The following HDAC9 variants were observed in gnomAD, a reference collection of about 807,000 sequenced individuals.
HDAC9 encodes MEF-2 interacting transcription repressor (MITR) protein.
HDAC9 carries 41 observed loss-of-function variants against 139.4 expected under a neutral mutation model. The observed-to-expected ratio is 0.29, with a 90% confidence interval of 0.23 to 0.38. The LOEUF (loss-of-function observed/expected upper bound fraction) is 0.38. Ranked by LOEUF, HDAC9 falls within the 10% of genes least tolerant of loss-of-function variation. The pLI, the probability that HDAC9 is intolerant of heterozygous loss-of-function variation, is 1.00. For synonymous variants in HDAC9, 517 were observed against 476.2 expected (o/e 1.09, Z -1.12); for missense variants, 1,147 against 1,297.0 (o/e 0.88, Z 1.78).
intron 2 of HDAC9, among the ~76,000 whole-genome samples, chr7:18,198,610 C>G (rs1234381934): frequency 6.6e-6 from 1 of 152,082 alleles, no homozygotes; most frequent in Non-Finnish European, 1.5e-5. Flanking sequence ...GCACATTATT[C>G]TAGGTTATAT....
rs1309022514 is a variant in HDAC9 at position 18,249,517 on chromosome 7, AAAAAAAC to A, written c.25+87175_25+87181del. Among the ~76,000 whole-genome samples, 430 of 147,670 alleles carry A rather than the reference AAAAAAAC, an allele frequency of 2.9e-3. 39 individuals carry two copies. Among genetic ancestry groups the A allele is most frequent in the Middle Eastern group, 7.0e-3 (2 of 286 alleles). On this transcript the variant is annotated intron_variant, in intron 2 of 12. Transcript: ENST00000417496. The stretch of plus-strand genomic sequence containing the variant: ...GACTCTGTCTCAAAAAAAAAAAAAA[AAAAAAAC>A]AAAAAAAAAACTTTCTGAACAGATC...
intron 1 of HDAC9, among the ~76,000 whole-genome samples, chr7:18,322,650 G>A (rs758703424): frequency 7.2e-5 from 11 of 152,136 alleles, no homozygotes; most frequent in African/African-American, 9.7e-5. Context: ...GCTGATTGCC[G>A]ATTGGCAGGG....
intron 17 of HDAC9, among the ~76,000 whole-genome samples, chr7:18,823,610 G>T (rs1263998457): frequency 6.6e-6 from 1 of 152,126 alleles, no homozygotes; most frequent in Admixed American, 6.6e-5. Context: ...CTGTATTTCA[G>T]TACAGGCCTA....
intron 1 of HDAC9, among the ~76,000 whole-genome samples, chr7:18,106,517 A>C (rs777233872): frequency 6.6e-6 from 1 of 151,674 alleles, no homozygotes; most frequent in Non-Finnish European, 1.5e-5. Flanking sequence ...CAGTGGTGCG[A>C]TCTTAGCTCA....
At chr7:18,674,046 C>G (rs1046747080) in intron 12 of HDAC9, among the ~76,000 whole-genome samples, 1 of 151,928 alleles carries the variant, frequency 6.6e-6, no homozygotes, top group African/African-American at 2.4e-5. Flanking sequence ...GTTGATGAGA[C>G]CACCATTTAG....
In HDAC9 at chr7:18,999,917, T is replaced by C. The variant is rs1786670872; in HGVS notation, c.*3855T>C. On this transcript the variant is annotated 3_prime_UTR_variant, in exon 26 of 26. Coordinates refer to ENST00000686413, the MANE Select transcript of HDAC9 (RefSeq NM_178425.4). The stretch of plus-strand genomic sequence containing the variant: ...TCTTAAAAGTGATTCATTCTGAGCT[T>C]GAAACGACTCTGTCAGTGTTTGACA... 6.6e-6 allele frequency: 1 copy of C among 152,142 alleles called. No individual in the cohort carries two copies. The highest frequency in any genetic ancestry group is 6.5e-5 in the Admixed American group (1 of 15,280). The allele number at this position is 152,142 out of a possible 1,614,324, so 9.4% of individuals were successfully genotyped here. A position where few individuals can be genotyped will look rare whatever the true frequency, so the allele number is the denominator to read the frequency against.
At chr7:18,192,200 T>C (rs1790398401) in intron 2 of HDAC9, among the ~76,000 whole-genome samples, 1 of 151,718 alleles carries the variant, frequency 6.6e-6, no homozygotes, top group African/African-American at 2.4e-5. Context: ...AGAAAGTTAA[T>C]TTTTTTTTAT....
At position 18,184,340 on chromosome 7, in the gene HDAC9, C is replaced by T. The variant is rs80325969; in HGVS notation, c.25+21991C>T. Among the ~76,000 whole-genome samples, 1,045 of 152,188 alleles carry T rather than the reference C, an allele frequency of 6.9e-3. 5 individuals are homozygous for T. Among genetic ancestry groups the T allele is most frequent in the Non-Finnish European group, 0.01 (713 of 68,010 alleles). ...GCTTGAACCCAGGAGGGTGAGGTTG[C>T]GGTGAGCCAAGATCTCTCCATAGCA... On this transcript the variant is annotated intron_variant, in intron 2 of 12. Coordinates refer to the HDAC9 transcript ENST00000417496.
intron 2 of HDAC9, among the ~76,000 whole-genome samples, chr7:18,265,847 C>T (rs994998582): frequency 1.3e-5 from 2 of 152,036 alleles, no homozygotes; most frequent in Non-Finnish European, 2.9e-5. Context: ...GAAAATTTGG[C>T]CTTCCACAGA....
In HDAC9 at chr7:19,000,744, T is replaced by C. The variant is rs1157216497; in HGVS notation, c.*4682T>C. ...AAACATTTAGCAAATACATGGTGAA[T>C]CTGGTGTAAACTTACAATCTAACAA... is the stretch of plus-strand genomic sequence containing the variant. On this transcript the variant is annotated 3_prime_UTR_variant, in exon 26 of 26. Transcript: ENST00000686413. The C allele has an allele frequency of 6.6e-6, 1 of 152,160 alleles. No homozygotes were observed. 9.4% of individuals were successfully genotyped at this position (152,160 alleles called of 1,614,324 possible).
At chr7:18,451,429 A>ATGTGTGTGTGTGTGTGTATATATATATG (rs1792847722) in intron 1 of HDAC9, among the ~76,000 whole-genome samples, 1 of 137,654 alleles carries the variant, frequency 7.3e-6, no homozygotes, top group African/African-American at 2.7e-5. Context: ...GTGTATATAT[A>ATGTGTGTGTGTGTGTGTATATATATATG]TGTGTGTGTG....
chr7:18,869,737 G>C (rs957634182), intron 21 of HDAC9, among the ~76,000 whole-genome samples: 2 of 152,132 alleles, frequency 1.3e-5, no homozygotes, highest in Non-Finnish European at 2.9e-5. Context: ...CTGTATTGAA[G>C]ATTATTGTGG....
chr7:18,272,915 T>C (rs1374590606), intron 2 of HDAC9, among the ~76,000 whole-genome samples: 1 of 3,410 alleles, frequency 2.9e-4, no homozygotes, highest in African/African-American at 8.9e-4. Context: ...AGACTACTGC[T>C]ACTACTACTA....
intron 22 of HDAC9, among the ~76,000 whole-genome samples, chr7:18,893,778 G>A (rs574229378): frequency 3.3e-4 from 51 of 152,262 alleles, no homozygotes; most frequent in African/African-American, 9.9e-4. Context: ...GACAAGGGAG[G>A]TTTGTGATTT....
At chr7:18,796,181 T>G (rs903837532) in intron 17 of HDAC9, among the ~76,000 whole-genome samples, 4 of 152,122 alleles carry the variant, frequency 2.6e-5, no homozygotes, top group Non-Finnish European at 5.9e-5. Flanking sequence ...CTGGATATAG[T>G]GTGGAAATAA....
chr7:18,230,824 A>G (rs1455223724), intron 2 of HDAC9, among the ~76,000 whole-genome samples: 11 of 152,234 alleles, frequency 7.2e-5, no homozygotes. Flanking sequence ...TAATAGCTCT[A>G]TTAATGAGAT....
At chr7:18,128,416 G>A (rs898573207) in intron 1 of HDAC9, among the ~76,000 whole-genome samples, 1 of 151,976 alleles carries the variant, frequency 6.6e-6, no homozygotes, top group African/African-American at 2.4e-5. Flanking sequence ...TCTTGGCTTT[G>A]TTGTCTGTAA....
intron 21 of HDAC9, among the ~76,000 whole-genome samples, chr7:18,858,705 A>G (rs1174651543): frequency 1.3e-5 from 2 of 152,186 alleles, no homozygotes; most frequent in Non-Finnish European, 2.9e-5. Context: ...TTTATCTTAA[A>G]TAATAAAACT....
intron 22 of HDAC9, among the ~76,000 whole-genome samples, chr7:18,875,897 A>G (rs938959720): frequency 6.6e-6 from 1 of 152,162 alleles, no homozygotes; most frequent in African/African-American, 2.4e-5. Context: ...GATAAACCCA[A>G]AAAAATACAA....
Sources: gnomAD v4.1 joint callset for allele counts (sites outside exome capture counted in the v4.1 genomes callset) on GRCh38, gnomAD v4.1.1 for gene constraint, MANE v1.5 for transcripts, NCBI Gene and HGNC (gene_info 2026-07-23, HGNC 2026-07-21) for gene names.